CDH18: variants seen among roughly 807,000 people sequenced by gnomAD.
CDH18 encodes the protein cadherin 18.
A neutral mutation model predicts 67.9 loss-of-function variants in CDH18; 31 were observed. The ratio of observed to expected loss-of-function variants is 0.46; its 90% confidence interval spans 0.34 to 0.62. The LOEUF (loss-of-function observed/expected upper bound fraction) is 0.62. Ranked by LOEUF, CDH18 falls within the 20% of genes least tolerant of loss-of-function variation. The pLI, the probability that CDH18 is intolerant of heterozygous loss-of-function variation, is 0.01. For synonymous variants in CDH18, 362 were observed against 347.2 expected, an observed-to-expected ratio of 1.04 and a Z score of -0.48; for missense variants, 890 against 975.5, an observed-to-expected ratio of 0.91 and a Z score of 1.17.
At chr5:19,818,098 T>C (rs1779485341) in intron 3 of CDH18, among the ~76,000 whole-genome samples, 1 of 152,180 alleles carries the variant, frequency 6.6e-6, no homozygotes, top group Non-Finnish European at 1.5e-5. Context: ...ACACACAGAC[T>C]GTAGCTTAAC....
intron 10 of CDH18, 77 bp from the exon 11 acceptor site, chr5:19,503,186 T>C: frequency 1.4e-6 from 1 of 703,988 alleles, no homozygotes. Flanking sequence ...GTATTATTTC[T>C]GTTTAAAAAT....
chr5:19,705,700 A>G (rs2150502216), intron 5 of CDH18, among the ~76,000 whole-genome samples: 1 of 152,172 alleles, frequency 6.6e-6, no homozygotes, highest in East Asian at 1.9e-4. Context: ...ATTTGGATCA[A>G]ATCACTACTG....
chr5:20,458,664 C>A (rs890558990), intron 1 of CDH18, among the ~76,000 whole-genome samples: 1 of 152,176 alleles, frequency 6.6e-6, no homozygotes. Context: ...TATTCTATTG[C>A]TATTTTATAA....
intron 1 of CDH18, among the ~76,000 whole-genome samples, chr5:20,465,459 A>T (rs1157623380): frequency 6.6e-6 from 1 of 152,058 alleles, no homozygotes; most frequent in Non-Finnish European, 1.5e-5. Context: ...ACATATTTTT[A>T]AACTTCTGAT....
intron 1 of CDH18, among the ~76,000 whole-genome samples, chr5:20,256,271 A>G (rs978090500): frequency 6.6e-6 from 1 of 152,088 alleles, no homozygotes; most frequent in African/African-American, 2.4e-5. Context: ...TGTTCTCAGA[A>G]GATAATAATC....
intron 2 of CDH18, among the ~76,000 whole-genome samples, chr5:19,849,150 A>C (rs147827592): frequency 1.4e-3 from 219 of 152,134 alleles, no homozygotes; most frequent in Middle Eastern, 0.01. Context: ...AATGGATTTG[A>C]AAGGAAATGT....
At chr5:20,298,568 C>A (rs138936170) in intron 1 of CDH18, among the ~76,000 whole-genome samples, 1 of 151,984 alleles carries the variant, frequency 6.6e-6, no homozygotes, top group Non-Finnish European at 1.5e-5. Flanking sequence ...TACATAGATA[C>A]GACTTTGGCT....
intron 5 of CDH18, among the ~76,000 whole-genome samples, chr5:19,692,404 C>T (rs889469014): frequency 2.0e-5 from 3 of 152,020 alleles, no homozygotes; most frequent in East Asian, 1.9e-4. Flanking sequence ...AACTAAAATG[C>T]TTCTGCTCAG....
At chr5:20,100,165 A>C (rs1296519090) in intron 2 of CDH18, among the ~76,000 whole-genome samples, 1 of 152,200 alleles carries the variant, frequency 6.6e-6, no homozygotes, top group East Asian at 1.9e-4. Flanking sequence ...GATTTGTCCC[A>C]AATAAAATAT....
intron 6 of CDH18, among the ~76,000 whole-genome samples, chr5:19,601,740 G>A (rs1183340615): frequency 6.6e-6 from 1 of 151,650 alleles, no homozygotes; most frequent in African/African-American, 2.4e-5. Flanking sequence ...AATATCAAAG[G>A]AATGTACACC....
At chr5:19,647,341 T>C (rs1426059349) in intron 5 of CDH18, among the ~76,000 whole-genome samples, 2 of 146,206 alleles carry the variant, frequency 1.4e-5, no homozygotes, top group African/African-American at 4.9e-5. Flanking sequence ...GCCAACATGA[T>C]GAAACCCCGT....
At chr5:20,480,832 A>G (rs1024268830) in intron 1 of CDH18, among the ~76,000 whole-genome samples, 1 of 152,332 alleles carries the variant, frequency 6.6e-6, no homozygotes, top group African/African-American at 2.4e-5. Context: ...GTAACCTCAA[A>G]TCAAAAAGAA....
chr5:20,275,596 G>A (rs2126679088), intron 1 of CDH18, among the ~76,000 whole-genome samples: 1 of 152,218 alleles, frequency 6.6e-6, no homozygotes, highest in Non-Finnish European at 1.5e-5. Context: ...TATTTTTTGT[G>A]TTCTGAGTAC....
chr5:20,422,149 G>GT (rs1156575041), intron 1 of CDH18, among the ~76,000 whole-genome samples: 1 of 150,740 alleles, frequency 6.6e-6, no homozygotes, highest in Non-Finnish European at 1.5e-5. Flanking sequence ...AAAAAATTTT[G>GT]TTTTTCCAAA....
At chr5:19,798,164 A>G (rs1448371060) in intron 3 of CDH18, among the ~76,000 whole-genome samples, 5 of 152,020 alleles carry the variant, frequency 3.3e-5, no homozygotes, top group Non-Finnish European at 7.4e-5. Flanking sequence ...ACATTATTAT[A>G]CAATTTAATA....
chr5:19,613,006 C>T (rs980898500), intron 5 of CDH18, among the ~76,000 whole-genome samples: 1 of 151,736 alleles, frequency 6.6e-6, no homozygotes, highest in Non-Finnish European at 1.5e-5. Context: ...ATTGGCTGGG[C>T]GTGGTGGCGC....
At chr5:19,721,635 T>C (rs1766117312) in intron 4 of CDH18, among the ~76,000 whole-genome samples, 169 bp from the exon 5 acceptor site, 1 of 152,234 alleles carries the variant, frequency 6.6e-6, no homozygotes, top group Non-Finnish European at 1.5e-5. Flanking sequence ...TCTTTCCCTG[T>C]CATCGACTGT....
chr5:19,662,921 A>T (rs1011117092), intron 5 of CDH18, among the ~76,000 whole-genome samples: 5 of 152,050 alleles, frequency 3.3e-5, no homozygotes, highest in African/African-American at 1.2e-4. Context: ...AACAATACAA[A>T]GTGAACAAAG....
intron 1 of CDH18, among the ~76,000 whole-genome samples, chr5:20,473,444 T>C (rs1752226191): frequency 6.6e-6 from 1 of 152,104 alleles, no homozygotes; most frequent in Non-Finnish European, 1.5e-5. Context: ...GTGTATTTTA[T>C]AACATTACAT....
Sources: allele counts gnomAD v4.1 joint callset (sites outside exome capture counted in the v4.1 genomes callset), GRCh38; gene constraint gnomAD v4.1.1; transcripts MANE v1.5; gene names NCBI Gene and HGNC (gene_info 2026-07-23, HGNC 2026-07-21).